The following TMEM132C variants were observed in gnomAD, a reference collection of about 807,000 sequenced individuals.
TMEM132C encodes the protein protein phosphatase 1, regulatory subunit 152.
In TMEM132C, 29 loss-of-function variants were observed where a neutral mutation model predicts 61.4. The ratio of observed to expected loss-of-function variants is 0.47; its 90% confidence interval spans 0.35 to 0.64. The LOEUF is 0.64. Ranked by LOEUF, TMEM132C falls within the 30% of genes least tolerant of loss-of-function variation. The probability of loss-of-function intolerance (pLI) is 0.00; values close to 1 mark genes in which losing one functional copy is unlikely to be tolerated. For synonymous variants in TMEM132C, 656 were observed against 633.1 expected (o/e 1.04, Z -0.54); for missense variants, 1,408 against 1,476.9 (o/e 0.95, Z 0.76).
At chr12:128,458,216 A>G (rs1870411016) in intron 2 of TMEM132C, among the ~76,000 whole-genome samples, 1 of 147,998 alleles carries the variant, frequency 6.8e-6, no homozygotes, top group African/African-American at 2.5e-5. Context: ...TTATATAATT[A>G]TAATATATCA....
At chr12:128,290,530 G>A (rs904810612) in intron 1 of TMEM132C, among the ~76,000 whole-genome samples, 1 of 152,036 alleles carries the variant, frequency 6.6e-6, no homozygotes, top group South Asian at 2.1e-4. Flanking sequence ...AAACCATATC[G>A]GACACTGAAG....
At chr12:128,347,113 T>C (rs1418803490) in intron 1 of TMEM132C, among the ~76,000 whole-genome samples, 1 of 152,170 alleles carries the variant, frequency 6.6e-6, no homozygotes, top group East Asian at 1.9e-4. Flanking sequence ...AAGTCTGTTA[T>C]ATCCTTCTTA....
intron 2 of TMEM132C, among the ~76,000 whole-genome samples, chr12:128,518,718 ATG>A (rs754178521): frequency 0.015 from 2,289 of 151,498 alleles, 49 homozygotes; most frequent in African/African-American, 0.051. Flanking sequence ...TGGTGTGTGA[ATG>A]TGTGTGTGTG....
chr12:128,662,490 C>T (rs1288669940), intron 4 of TMEM132C, among the ~76,000 whole-genome samples: 2 of 152,218 alleles, frequency 1.3e-5, no homozygotes, highest in African/African-American at 2.4e-5. Flanking sequence ...GCAATTCTCT[C>T]TCAGGTCCTT....
chr12:128,296,396 A>T (rs1055815818), intron 1 of TMEM132C, among the ~76,000 whole-genome samples: 3 of 152,308 alleles, frequency 2.0e-5, no homozygotes, highest in Middle Eastern at 3.4e-3. Context: ...CTCTAATGAC[A>T]TCCTGGCTTC....
At chr12:128,485,440 G>C (rs1186533904) in intron 2 of TMEM132C, among the ~76,000 whole-genome samples, 1 of 152,128 alleles carries the variant, frequency 6.6e-6, no homozygotes, top group Non-Finnish European at 1.5e-5. Flanking sequence ...GCCTCCCAAA[G>C]TGCTGGGATT....
chr12:128,270,559 G>A (rs977310523), intron 1 of TMEM132C, among the ~76,000 whole-genome samples: 3 of 152,164 alleles, frequency 2.0e-5, no homozygotes, highest in East Asian at 1.9e-4. Context: ...AGGGATTTAC[G>A]TTCTATAGCA....
intron 2 of TMEM132C, among the ~76,000 whole-genome samples, chr12:128,537,285 A>G (rs1327612236): frequency 6.6e-6 from 1 of 152,218 alleles, no homozygotes; most frequent in African/African-American, 2.4e-5. Flanking sequence ...TAAAAGGGCA[A>G]GGCAGTATCA....
chr12:128,678,116 C>T (rs537472304), intron 5 of TMEM132C, among the ~76,000 whole-genome samples: 4 of 152,244 alleles, frequency 2.6e-5, no homozygotes, highest in Non-Finnish European at 4.4e-5. Flanking sequence ...TTTCGGGTGG[C>T]ATCCCTCCCT....
chr12:128,324,546 G>C (rs972138647), intron 1 of TMEM132C, among the ~76,000 whole-genome samples: 2 of 152,112 alleles, frequency 1.3e-5, no homozygotes, highest in African/African-American at 2.4e-5. Flanking sequence ...GTTTTTACAG[G>C]TTCCTTTTTG....
chr12:128,359,736 T>C (rs1269528316), intron 1 of TMEM132C, among the ~76,000 whole-genome samples: 2 of 152,172 alleles, frequency 1.3e-5, no homozygotes, highest in Non-Finnish European at 2.9e-5. Flanking sequence ...TAGATAAAAC[T>C]CAGACACCTA....
At chr12:128,315,450 C>T (rs779952498) in intron 1 of TMEM132C, among the ~76,000 whole-genome samples, 28 of 152,016 alleles carry the variant, frequency 1.8e-4, no homozygotes, top group Non-Finnish European at 3.2e-4. Context: ...AAGAAAACCG[C>T]GCCATTTCAG....
intron 1 of TMEM132C, among the ~76,000 whole-genome samples, chr12:128,275,823 G>A (rs10847589): frequency 0.18 from 26,995 of 152,052 alleles, 3,466 homozygotes; most frequent in African/African-American, 0.36. Flanking sequence ...ACAAAAATTG[G>A]TCCTCTCACA....
intron 3 of TMEM132C, among the ~76,000 whole-genome samples, chr12:128,603,688 T>G (rs1008265452): frequency 2.0e-5 from 3 of 152,192 alleles, no homozygotes; most frequent in African/African-American, 7.2e-5. Flanking sequence ...CTGGCTTTTC[T>G]GAGGGCAACA....
At chr12:128,310,318 C>T (rs1361239750) in intron 1 of TMEM132C, among the ~76,000 whole-genome samples, 1 of 152,080 alleles carries the variant, frequency 6.6e-6, no homozygotes, top group Non-Finnish European at 1.5e-5. Flanking sequence ...GTGTATTAGT[C>T]TGTTCTTGCA....
In TMEM132C at chr12:128,692,419, A is replaced by G. The variant is rs149269546; in HGVS notation, c.1450-1410A>G. On this transcript the variant is annotated intron_variant, in intron 5 of 8. Coordinates refer to ENST00000435159, the MANE Select transcript of TMEM132C (RefSeq NM_001136103.3). Reference sequence around the variant, plus strand: ...AAGATTTCTTAGTTTAAGAGGTGATATGGACACATGGGACCAATTTAAATC... The same window carrying G: ...AAGATTTCTTAGTTTAAGAGGTGATGTGGACACATGGGACCAATTTAAATC... 1.1e-4 allele frequency among the ~76,000 whole-genome samples: 17 copies of G among 152,370 alleles called. No individual in the cohort carries two copies. The East Asian group carries it at 2.9e-3, about 26-fold the overall frequency.
At chr12:128,528,774 G>A (rs1873181465) in intron 2 of TMEM132C, among the ~76,000 whole-genome samples, 1 of 152,154 alleles carries the variant, frequency 6.6e-6, no homozygotes, top group Non-Finnish European at 1.5e-5. Context: ...GAACACCCCT[G>A]AGAACACTGC....
chr12:128,565,738 T>C (rs1874671198), intron 3 of TMEM132C, among the ~76,000 whole-genome samples: 1 of 152,116 alleles, frequency 6.6e-6, no homozygotes, highest in Non-Finnish European at 1.5e-5. Context: ...TGGTATTCTA[T>C]CTCCAAAATG....
At chr12:128,591,911 G>A (rs891587744) in intron 3 of TMEM132C, among the ~76,000 whole-genome samples, 1 of 152,074 alleles carries the variant, frequency 6.6e-6, no homozygotes, top group Admixed American at 6.5e-5. Context: ...AATTAGCCAG[G>A]CATGGTGGCA....
Sources: gnomAD v4.1 joint callset for allele counts (sites outside exome capture counted in the v4.1 genomes callset) on GRCh38, gnomAD v4.1.1 for gene constraint, MANE v1.5 for transcripts, NCBI Gene and HGNC (gene_info 2026-07-23, HGNC 2026-07-21) for gene names.